Variants in NYAP2 observed in about 807,000 individuals in gnomAD.
The protein encoded by NYAP2 is neuronal tyrosine-phosphorylated phosphoinositide-3-kinase adaptor 2.
Under a neutral mutation model 50.4 loss-of-function variants are expected in NYAP2, and 23 were observed. The ratio of observed to expected loss-of-function variants is 0.46; its 90% CI spans 0.33 to 0.65. The LOEUF (loss-of-function observed/expected upper bound fraction) is 0.65, where lower values mean the gene tolerates loss of function less well. Ranked by LOEUF, NYAP2 falls within the 30% of genes least tolerant of loss-of-function variation. The pLI, the probability that NYAP2 is intolerant of heterozygous loss-of-function variation, is 0.02. For missense variants in NYAP2, 885 were observed against 861.0 expected, an observed-to-expected ratio of 1.03 and a Z score of -0.35; for synonymous variants, 394 against 365.2, an observed-to-expected ratio of 1.08 and a Z score of -0.90.
intron 5 of NYAP2, among the ~76,000 whole-genome samples, chr2:225,586,586 T>A (rs1388201275): frequency 3.9e-5 from 6 of 152,202 alleles, no homozygotes; most frequent in Non-Finnish European, 7.3e-5. Context: ...CAGGTACAAA[T>A]ATTTTTGTGA....
At chr2:225,666,664 G>T in the NYAP2 span, among the ~76,000 whole-genome samples, 1 of 152,260 alleles carries the variant, frequency 6.6e-6, no homozygotes, top group South Asian at 2.1e-4. Context: ...AGATTGTGGA[G>T]ACCAAGGTTC....
chr2:225,699,980 T>C, the NYAP2 span: 2 of 151,986 alleles, frequency 1.3e-5, no homozygotes, highest in East Asian at 3.9e-4. Context: ...ATCAATTTAG[T>C]ATTATATTTC....
At chr2:225,576,894 G>A (rs923216975) in intron 4 of NYAP2, among the ~76,000 whole-genome samples, 36 of 152,200 alleles carry the variant, frequency 2.4e-4, no homozygotes, top group African/African-American at 7.9e-4. Context: ...AGAGCCCTTC[G>A]TATTCTGGGA....
chr2:225,532,765 C>T (rs538139174), intron 4 of NYAP2, among the ~76,000 whole-genome samples: 4 of 152,282 alleles, frequency 2.6e-5, no homozygotes, highest in African/African-American at 9.6e-5. Context: ...CATGAAAGGA[C>T]TGGTACCTGC....
intron 3 of NYAP2, among the ~76,000 whole-genome samples, chr2:225,449,055 A>G (rs1273783919): frequency 6.6e-6 from 1 of 152,230 alleles, no homozygotes; most frequent in Non-Finnish European, 1.5e-5. Flanking sequence ...GAATATATTT[A>G]TAATAATTAA....
the NYAP2 span, among the ~76,000 whole-genome samples, chr2:225,696,830 G>C: frequency 6.6e-6 from 1 of 151,924 alleles, no homozygotes; most frequent in Non-Finnish European, 1.5e-5. Flanking sequence ...CTTTGGGAGA[G>C]TTACCAAATC....
intron 6 of NYAP2, among the ~76,000 whole-genome samples, chr2:225,641,262 C>T (rs951334779): frequency 9.2e-5 from 14 of 152,022 alleles, no homozygotes; most frequent in East Asian, 3.9e-4. Context: ...TCTGTTTCTG[C>T]GAAAAGCCAC....
chr2:225,443,194 A>G (rs1014825533), intron 3 of NYAP2, among the ~76,000 whole-genome samples: 12 of 152,158 alleles, frequency 7.9e-5, no homozygotes, highest in African/African-American at 2.7e-4. Context: ...CTTGTAAACT[A>G]TTTAATATTT....
chr2:225,476,037 A>G (rs1314735839), intron 3 of NYAP2, among the ~76,000 whole-genome samples: 2 of 152,252 alleles, frequency 1.3e-5, no homozygotes, highest in Non-Finnish European at 2.9e-5. Context: ...AGAGCTCAAC[A>G]TCGATTTAGA....
the NYAP2 span, among the ~76,000 whole-genome samples, chr2:225,667,699 C>T: frequency 6.6e-6 from 1 of 152,086 alleles, no homozygotes; most frequent in African/African-American, 2.4e-5. Flanking sequence ...ATTAGCATTA[C>T]AAAAGAGGGC....
chr2:225,599,141 TAAGTG>T (rs549953197), intron 5 of NYAP2, among the ~76,000 whole-genome samples: 144 of 152,232 alleles, frequency 9.5e-4, no homozygotes, highest in African/African-American at 3.2e-3. Context: ...TTGAGCAAGA[TAAGTG>T]AAGGCATACC....
chr2:225,482,319 G>A (rs1374138050), intron 3 of NYAP2, among the ~76,000 whole-genome samples: 1 of 152,120 alleles, frequency 6.6e-6, no homozygotes, highest in Non-Finnish European at 1.5e-5. Context: ...GAGATGAGTG[G>A]TCTGAGAACA....
the NYAP2 span, chr2:225,702,844 T>C: frequency 1.3e-5 from 2 of 151,838 alleles, no homozygotes; most frequent in Middle Eastern, 3.4e-3. Context: ...TGGATTTGTC[T>C]CAACCAAACA....
intron 4 of NYAP2, among the ~76,000 whole-genome samples, chr2:225,575,719 C>G (rs1415584026): frequency 6.6e-6 from 1 of 152,110 alleles, no homozygotes. Context: ...GAAATAGACT[C>G]CACTTCTTAC....
the NYAP2 span, among the ~76,000 whole-genome samples, chr2:225,677,605 G>C: frequency 1.3e-5 from 2 of 151,884 alleles, no homozygotes; most frequent in South Asian, 2.1e-4. Context: ...ATCTGTTGAG[G>C]ATTTTTTTTT....
intron 4 of NYAP2, among the ~76,000 whole-genome samples, chr2:225,554,321 C>CTTT (rs751259949): frequency 7.6e-6 from 1 of 131,638 alleles, no homozygotes; most frequent in African/African-American, 2.8e-5. Flanking sequence ...AAACATTTAT[C>CTTT]TTTTTTTTTT....
chr2:225,626,521 G>C (rs575275176), intron 5 of NYAP2, among the ~76,000 whole-genome samples: 19 of 152,200 alleles, frequency 1.2e-4, no homozygotes, highest in Non-Finnish European at 2.4e-4. Context: ...TTATACATTT[G>C]CCAAATAAAA....
intron 3 of NYAP2, among the ~76,000 whole-genome samples, chr2:225,449,188 G>A (rs1330377940): frequency 2.0e-5 from 3 of 152,102 alleles, no homozygotes; most frequent in East Asian, 3.9e-4. Context: ...TCAAAGCTTC[G>A]CAGCATAATA....
At chr2:225,595,639 C>G (rs906990607) in intron 5 of NYAP2, among the ~76,000 whole-genome samples, 1 of 152,090 alleles carries the variant, frequency 6.6e-6, no homozygotes, top group Admixed American at 6.5e-5. Context: ...AGTTGTTTTT[C>G]TTTGGCTAAT....
Sources: gnomAD v4.1 joint callset for allele counts (sites outside exome capture counted in the v4.1 genomes callset) on GRCh38, gnomAD v4.1.1 for gene constraint, MANE v1.5 for transcripts, NCBI Gene and HGNC (gene_info 2026-07-23, HGNC 2026-07-21) for gene names.